Variants in FGF2 observed in about 807,000 individuals in gnomAD.
The protein encoded by FGF2 is basic fibroblast growth factor bFGF.
In FGF2, 13 loss-of-function variants were observed where a neutral mutation model predicts 15.9. That is an observed-to-expected ratio of 0.82 (90% CI 0.53 to 1.30). The LOEUF is 1.30. Among genes scored for constraint, FGF2 ranks in the 50% most tolerant of loss-of-function variants. FGF2 has a pLI of 0.00. For missense variants in FGF2, 163 were observed against 196.9 expected, an observed-to-expected ratio of 0.83 and a Z score of 1.03; for synonymous variants, 90 against 78.4, an observed-to-expected ratio of 1.15 and a Z score of -0.78.
chr4:122,863,059 C>T (rs1323429591), intron 1 of FGF2, among the ~76,000 whole-genome samples: 5 of 152,088 alleles, frequency 3.3e-5, no homozygotes, highest in African/African-American at 1.2e-4. Flanking sequence ...CAGAAAATCA[C>T]GTTTAAAAAT....
intron 2 of FGF2, among the ~76,000 whole-genome samples, chr4:122,881,350 T>C (rs983663275): frequency 6.6e-6 from 1 of 152,226 alleles, no homozygotes; most frequent in African/African-American, 2.4e-5. Context: ...TTCTATTCCA[T>C]GGTCAGGCTG....
At chr4:122,889,088 TC>T (rs1727117467) in intron 2 of FGF2, 2 of 152,202 alleles carry the variant, frequency 1.3e-5, no homozygotes, top group African/African-American at 4.8e-5. Context: ...TATAAAGGTA[TC>T]AAGTAGATGT....
At chr4:122,870,456 C>G (rs1174903826) in intron 1 of FGF2, among the ~76,000 whole-genome samples, 2 of 152,126 alleles carry the variant, frequency 1.3e-5, no homozygotes, top group East Asian at 3.8e-4. Context: ...TCTGTCTGGT[C>G]CTGGGCTTTT....
intron 1 of FGF2, among the ~76,000 whole-genome samples, chr4:122,858,106 C>T (rs2150774608): frequency 6.6e-6 from 1 of 152,170 alleles, no homozygotes; most frequent in Middle Eastern, 3.4e-3. Context: ...TGAGGAGTTG[C>T]TAAGAATTTT....
chr4:122,854,400 ACCTC>A (rs1420147398), intron 1 of FGF2, among the ~76,000 whole-genome samples: 1 of 152,194 alleles, frequency 6.6e-6, no homozygotes, highest in African/African-American at 2.4e-5. Flanking sequence ...AGTCTCCCGC[ACCTC>A]ACAGGCTTTT....
chr4:122,853,496 T>G (rs1480518792), intron 1 of FGF2, among the ~76,000 whole-genome samples: 1 of 151,942 alleles, frequency 6.6e-6, no homozygotes, highest in Non-Finnish European at 1.5e-5. Flanking sequence ...AGACAAGATG[T>G]AAGGAGGAAG....
In FGF2 at chr4:122,881,002, T is replaced by G. The variant is rs112131201; in HGVS notation, c.282+4578T>G. 3.9e-5 allele frequency among the ~76,000 whole-genome samples: 6 copies of G among 152,122 alleles called. No individual in the cohort carries two copies. The South Asian group carries it at 1.0e-3, about 26-fold the overall frequency. On this transcript the variant is annotated intron_variant, in intron 2 of 2. Transcript: ENST00000644866. The stretch of plus-strand genomic sequence containing the variant: ...TCTTGACTTCTGTGCACCCTCAGGC[T>G]CAACACCATGTGGAAGCTGCCAAGG...
At chr4:122,863,190 TC>T (rs1413923522) in intron 1 of FGF2, among the ~76,000 whole-genome samples, 1 of 152,202 alleles carries the variant, frequency 6.6e-6, no homozygotes, top group Admixed American at 6.5e-5. Flanking sequence ...CAGACTGTCT[TC>T]CCCAATGAAA....
chr4:122,843,970 C>T (rs1439339410), intron 1 of FGF2, among the ~76,000 whole-genome samples: 2 of 152,142 alleles, frequency 1.3e-5, no homozygotes, highest in African/African-American at 4.8e-5. Context: ...GTTGCTGCGG[C>T]AATTTCTTAA....
At chr4:122,835,516 A>G (rs1414025802) in intron 1 of FGF2, among the ~76,000 whole-genome samples, 1 of 152,034 alleles carries the variant, frequency 6.6e-6, no homozygotes, top group African/African-American at 2.4e-5. Flanking sequence ...CTTAACATAC[A>G]TAAAACAGAA....
At chr4:122,866,219 T>C (rs1019151341) in intron 1 of FGF2, among the ~76,000 whole-genome samples, 4 of 151,732 alleles carry the variant, frequency 2.6e-5, no homozygotes, top group African/African-American at 9.7e-5. Flanking sequence ...ATACAAAAAA[T>C]TAGCCGGGCG....
chr4:122,826,872 C>T lies in FGF2; in HGVS notation c.-303C>T. ...CGGTGCCCGCGGTTGCAACGGGATC[C>T]CGGGCGCTGCAGCTTGGGAGGCGGC... On this transcript the variant is annotated 5_prime_UTR_variant, in exon 1 of 3. Coordinates refer to ENST00000644866, the MANE Select transcript of FGF2 (RefSeq NM_001361665.2). 2.0e-6 allele frequency: 3 copies of T among 1,522,650 alleles called. No individual in the cohort carries two copies. The highest frequency in any genetic ancestry group is 5.4e-5 in the East Asian group (2 of 37,224). The allele number at this position is 1,522,650 out of a possible 1,614,324, so 94.3% of individuals were successfully genotyped here.
chr4:122,892,454 T>G lies in FGF2; in HGVS notation c.*58T>G. 1 of 1,610,628 alleles carries G rather than the reference T, an allele frequency of 6.2e-7. No homozygotes were observed. Among genetic ancestry groups the G allele is most frequent in the South Asian group, 1.1e-5 (1 of 90,758 alleles). ...GAAAGAAGAAGTATATTTTAGAAATTTGTTAATGAGAGTAAAAGAAAATAA... is the reference window on the plus strand; with the variant it reads ...GAAAGAAGAAGTATATTTTAGAAATGTGTTAATGAGAGTAAAAGAAAATAA... On this transcript the variant is annotated 3_prime_UTR_variant, in exon 3 of 3. Coordinates refer to ENST00000644866, the MANE Select transcript of FGF2 (RefSeq NM_001361665.2).
At chr4:122,830,101 A>T (rs11934448) in intron 1 of FGF2, among the ~76,000 whole-genome samples, 14,402 of 152,248 alleles carry the variant, frequency 0.095, 1,162 homozygotes, top group African/African-American at 0.21. Context: ...CTTTGGCATG[A>T]CACTTTGTGC....
chr4:122,874,102 A>G (rs886735179), intron 1 of FGF2, among the ~76,000 whole-genome samples: 6 of 152,196 alleles, frequency 3.9e-5, no homozygotes, highest in African/African-American at 1.2e-4. Context: ...AAGTATAGCG[A>G]TTGATTATTC....
chr4:122,860,672 G>A (rs921803202), intron 1 of FGF2, among the ~76,000 whole-genome samples: 1 of 151,952 alleles, frequency 6.6e-6, no homozygotes, highest in Non-Finnish European at 1.5e-5. Flanking sequence ...GACCAGGCTG[G>A]TCTCGAATTC....
chr4:122,850,826 G>C (rs961361751), intron 1 of FGF2, among the ~76,000 whole-genome samples: 2 of 152,146 alleles, frequency 1.3e-5, no homozygotes, highest in Admixed American at 1.3e-4. Context: ...ACATTCAATA[G>C]TTGTGATTTT....
intron 1 of FGF2, among the ~76,000 whole-genome samples, chr4:122,832,526 C>T (rs1725785597): frequency 6.6e-6 from 1 of 152,186 alleles, no homozygotes. Context: ...TGATTACAGG[C>T]GTGAGCCACC....
rs191229683 is a variant in FGF2 at position 122,878,257 on chromosome 4, G to A, written c.282+1833G>A. On this transcript the variant is annotated intron_variant, in intron 2 of 2. Coordinates refer to ENST00000644866, the MANE Select transcript of FGF2 (RefSeq NM_001361665.2). ...TATAGGAAGCAATATAGAAAATGAGGTAATTACATTTTTCTAGAATTGGGG... is the reference window on the plus strand; with the variant it reads ...TATAGGAAGCAATATAGAAAATGAGATAATTACATTTTTCTAGAATTGGGG... Among the ~76,000 whole-genome samples, 118 of 152,254 alleles carry A rather than the reference G, an allele frequency of 7.8e-4. 1 individual carries two copies. The highest frequency in any genetic ancestry group is 7.1e-4 in the Non-Finnish European group (48 of 68,010).
Sources: gnomAD v4.1 joint callset for allele counts (sites outside exome capture counted in the v4.1 genomes callset) on GRCh38, gnomAD v4.1.1 for gene constraint, MANE v1.5 for transcripts, NCBI Gene and HGNC (gene_info 2026-07-23, HGNC 2026-07-21) for gene names.